The following XRCC2 variants were observed in gnomAD, a reference collection of about 807,000 sequenced individuals.
XRCC2 encodes the protein DNA repair protein XRCC2.
In XRCC2, 24 loss-of-function variants were observed where a neutral mutation model predicts 27.3. The ratio of observed to expected loss-of-function variants is 0.88; its 90% confidence interval spans 0.64 to 1.24. The LOEUF (loss-of-function observed/expected upper bound fraction) is 1.24, where lower values mean the gene tolerates loss of function less well. XRCC2 is among the 50% of genes most tolerant of loss of function. The pLI is 0.00. For missense variants in XRCC2, 321 were observed against 325.8 expected (o/e 0.99, Z 0.11); for synonymous variants, 106 against 115.4 (o/e 0.92, Z 0.52).
At chr7:152,655,901 A>G (rs2098030518) in intron 2 of XRCC2, among the ~76,000 whole-genome samples, 1 of 151,728 alleles carries the variant, frequency 6.6e-6, no homozygotes. Flanking sequence ...AATTCCAGCT[A>G]TTTGGGAGGC....
At chr7:152,655,190 A>G (rs1221618494) in intron 2 of XRCC2, among the ~76,000 whole-genome samples, 1 of 152,194 alleles carries the variant, frequency 6.6e-6, no homozygotes, top group Non-Finnish European at 1.5e-5. Flanking sequence ...TACAAATAGA[A>G]CGCTGTAAGG....
At chr7:152,659,141 CTGTT>C in intron 2 of XRCC2, among the ~76,000 whole-genome samples, 1 of 151,544 alleles carries the variant, frequency 6.6e-6, no homozygotes, top group South Asian at 2.1e-4. Flanking sequence ...TTGCTATTTC[CTGTT>C]TTTTTTTTGA....
chr7:152,648,940 T>C lies in XRCC2; in HGVS notation c.545A>G (p.Lys182Arg). Reference sequence around the variant, plus strand: ...AACCAGGCGATAGTCATTTACAAGCTTCTCTAAGCACTGAGAACATTTCCT... The same window carrying C: ...AACCAGGCGATAGTCATTTACAAGCCTCTCTAAGCACTGAGAACATTTCCT... ...TLRKCSQCLE[K>R]LVNDYRLVLF... Residue 182 changes from lysine (K) to arginine (R), a missense_variant, in exon 3 of 3, where the codon AAG becomes AGG. Physicochemically the swap from Lys to Arg is conservative, Grantham distance 26. Transcript: ENST00000359321. 1 of 1,614,224 alleles carries C rather than the reference T, an allele frequency of 6.2e-7. No homozygotes were observed. Among genetic ancestry groups the C allele is most frequent in the African/African-American group, 1.3e-5 (1 of 75,066 alleles).
chr7:152,655,756 A>G (rs947006278), intron 2 of XRCC2, among the ~76,000 whole-genome samples: 1 of 152,090 alleles, frequency 6.6e-6, no homozygotes, highest in African/African-American at 2.4e-5. Flanking sequence ...CATGCCTGTA[A>G]TCTCAGCACT....
intron 2 of XRCC2, among the ~76,000 whole-genome samples, chr7:152,655,525 A>G (rs1476811027): frequency 6.6e-6 from 1 of 152,100 alleles, no homozygotes; most frequent in Non-Finnish European, 1.5e-5. Flanking sequence ...CCTGGGCAAC[A>G]TGGCAAAACT....
At chr7:152,674,386 C>T (rs1050038816) in intron 1 of XRCC2, among the ~76,000 whole-genome samples, 9 of 152,050 alleles carry the variant, frequency 5.9e-5, no homozygotes, top group African/African-American at 1.4e-4. Context: ...GAGGCTGAGG[C>T]GGATCACCTG....
chr7:152,659,315 A>G (rs905212801), intron 2 of XRCC2, among the ~76,000 whole-genome samples: 2 of 152,236 alleles, frequency 1.3e-5, no homozygotes, highest in African/African-American at 4.8e-5. Context: ...GGAGAGAAAC[A>G]GACAATTCAA....
intron 2 of XRCC2, among the ~76,000 whole-genome samples, chr7:152,654,197 C>A (rs1169566053): frequency 1.9e-3 from 177 of 92,146 alleles, no homozygotes; most frequent in Admixed American, 2.6e-3. Flanking sequence ...AACTCCATCT[C>A]AAAAAAAAAA....
At chr7:152,653,700 G>A (rs368827613) in intron 2 of XRCC2, among the ~76,000 whole-genome samples, 1 of 151,988 alleles carries the variant, frequency 6.6e-6, no homozygotes, top group South Asian at 2.1e-4. Flanking sequence ...GGGTTCAAGT[G>A]ATCCACCTAC....
intron 1 of XRCC2, chr7:152,663,851 C>G (rs943465469): frequency 2.0e-5 from 3 of 152,588 alleles, no homozygotes; most frequent in African/African-American, 7.2e-5. Context: ...TGCCCCCCCC[C>G]CCCAAAAATA....
chr7:152,671,269 C>T (rs1245314207), intron 1 of XRCC2, among the ~76,000 whole-genome samples: 4 of 152,048 alleles, frequency 2.6e-5, no homozygotes, highest in African/African-American at 7.2e-5. Context: ...CCAGAGAAAG[C>T]GTAAGAATAG....
intron 2 of XRCC2, among the ~76,000 whole-genome samples, chr7:152,651,941 G>T (rs562725776): frequency 6.6e-6 from 1 of 151,706 alleles, no homozygotes; most frequent in Non-Finnish European, 1.5e-5. Context: ...TGAAGTGGGA[G>T]GATCACTTGA....
intron 2 of XRCC2, among the ~76,000 whole-genome samples, chr7:152,658,171 G>A (rs1383143564): frequency 1.3e-5 from 2 of 150,928 alleles, no homozygotes; most frequent in African/African-American, 2.4e-5. Context: ...TTGAGGCGGA[G>A]TCTCACTCTG....
chr7:152,667,123 T>C (rs888727475), intron 1 of XRCC2, among the ~76,000 whole-genome samples: 1 of 151,824 alleles, frequency 6.6e-6, no homozygotes, highest in African/African-American at 2.4e-5. Context: ...GAAAGTATTA[T>C]AGGCCAGGTG....
chr7:152,662,608 T>G (rs1425768281), intron 1 of XRCC2, among the ~76,000 whole-genome samples: 1 of 134,612 alleles, frequency 7.4e-6, no homozygotes, highest in Non-Finnish European at 1.6e-5. Flanking sequence ...AGTCTCGCTC[T>G]GTCGCCCAGG....
At chr7:152,675,674 G>A (rs1185695712) in intron 1 of XRCC2, among the ~76,000 whole-genome samples, 1 of 152,226 alleles carries the variant, frequency 6.6e-6, no homozygotes, top group South Asian at 2.1e-4. Context: ...AGCTTTTCTT[G>A]CATAGCTTGA....
At chr7:152,660,481 G>A (rs2098032600) in intron 2 of XRCC2, among the ~76,000 whole-genome samples, 1 of 152,116 alleles carries the variant, frequency 6.6e-6, no homozygotes, top group African/African-American at 2.4e-5. Context: ...ATAAGACAGA[G>A]GTCAAGGCAT....
In XRCC2 at chr7:152,648,819, G is replaced by C; in HGVS notation, c.666C>G (p.Asp222Glu). The C allele has an allele frequency of 6.2e-7, 1 of 1,614,050 alleles. No individual in the cohort carries two copies. The highest frequency in any genetic ancestry group is 8.5e-7 in the Non-Finnish European group (1 of 1,179,910). Reference protein sequence around the residue: ...ASRRLCDVDIDYRPYLCKAWQ... With the variant: ...ASRRLCDVDIEYRPYLCKAWQ... The stretch of plus-strand genomic sequence containing the variant: ...ATGCCTTACAGAGATAAGGTCTGTA[G>C]TCTATGTCCACATCACACAGTCGTC... Residue 222 changes from aspartate to glutamate, a missense_variant, in exon 3 of 3, where the codon GAC becomes GAG. By Grantham distance (45) the Asp-to-Glu change is conservative. Transcript: ENST00000359321.
chr7:152,655,645 G>A (rs532094800), intron 2 of XRCC2, among the ~76,000 whole-genome samples: 32 of 152,284 alleles, frequency 2.1e-4, no homozygotes, highest in Admixed American at 1.9e-3. Context: ...GGGGTTGGTC[G>A]AGGCTGCAGC....
Sources: allele counts gnomAD v4.1 joint callset (sites outside exome capture counted in the v4.1 genomes callset), GRCh38; gene constraint gnomAD v4.1.1; transcripts MANE v1.5; gene names NCBI Gene and HGNC (gene_info 2026-07-23, HGNC 2026-07-21).